Variants in DET1 observed in about 807,000 individuals in gnomAD.
The protein encoded by DET1 is DET1 homolog.
Under a neutral mutation model 43.7 loss-of-function variants are expected in DET1, and 22 were observed. That is an observed-to-expected ratio of 0.50 (90% CI 0.36 to 0.72). DET1 has a LOEUF of 0.72. DET1 is among the 30% of genes least tolerant of loss of function. The pLI is 0.00. For missense variants in DET1, 713 were observed against 713.3 expected (o/e 1.00, Z 0.00); for synonymous variants, 315 against 266.2 (o/e 1.18, Z -1.79).
In DET1 at chr15:88,539,290, G is replaced by A. The variant is rs111259228; in HGVS notation, c.-11+7250C>T. On this transcript the variant is annotated intron_variant, in intron 1 of 4. Transcript: ENST00000268148. ...GGGCCCTCACCTGCAGTTCTGGGGC[G>A]ACCTCACAAGGCTTAAGGCAGCATC... 4.0e-3 allele frequency among the ~76,000 whole-genome samples: 608 copies of A among 151,940 alleles called. 6 individuals are homozygous for A. The highest frequency in any genetic ancestry group is 0.019 in the South Asian group (90 of 4,816).
chr15:88,514,723 T>C (rs543821737), intron 4 of DET1, among the ~76,000 whole-genome samples: 1 of 152,324 alleles, frequency 6.6e-6, no homozygotes, highest in Admixed American at 6.5e-5. Context: ...AATGTAAATA[T>C]GCATATTGAC....
intron 3 of DET1, among the ~76,000 whole-genome samples, chr15:88,518,105 ATTTT>A (rs11327620): frequency 7.5e-6 from 1 of 133,398 alleles, no homozygotes; most frequent in African/African-American, 2.8e-5. Context: ...CACCCAGCTA[ATTTT>A]TTTTTTTTTT....
rs369796439 is a variant in DET1, at chr15:88,531,376, G to A, written c.330C>T (p.Asp110=). ...GGCCCCGGATATTCACTGACCGCTGGTCATTGCCATTGGACAGGATTTCTC... is the reference window on the plus strand; with the variant it reads ...GGCCCCGGATATTCACTGACCGCTGATCATTGCCATTGGACAGGATTTCTC... The part of the protein sequence containing the change: ...YEGEILSNGN[D]QRSVNIRGRL... Residue 110 remains aspartate (D), a synonymous_variant, in exon 2 of 5, where the codon GAC becomes GAT. Coordinates refer to ENST00000268148, the MANE Select transcript of DET1 (RefSeq NM_001144074.3). This position sits in a 1 kb window ranked among gnomAD's most constrained non-coding sequence, Gnocchi z 6.2. The A allele has an allele frequency of 2.3e-5, 37 of 1,613,926 alleles. No individual in the cohort carries two copies. The African/African-American group carries it at 3.7e-4, about 16-fold the overall frequency.
intron 1 of DET1, among the ~76,000 whole-genome samples, chr15:88,535,800 AG>A (rs2056933839): frequency 6.6e-6 from 1 of 152,042 alleles, no homozygotes; most frequent in Non-Finnish European, 1.5e-5. Flanking sequence ...GGGGAAAAAA[AG>A]AAAGATGAAA....
intron 3 of DET1, among the ~76,000 whole-genome samples, chr15:88,525,537 G>T (rs911340811): frequency 6.6e-6 from 1 of 152,112 alleles, no homozygotes; most frequent in African/African-American, 2.4e-5. Flanking sequence ...CCTCCCACAG[G>T]GCAGACACTG....
At chr15:88,503,935 C>T (rs2056112446) in exon 8 of DET1, 1 of 150,648 alleles carries the variant, frequency 6.6e-6, no homozygotes, top group Non-Finnish European at 1.5e-5. Context: ...AGGAGGTCTA[C>T]AGTGAGCCAT....
At position 88,531,339 on chromosome 15, in the gene DET1, G is replaced by A. The variant is rs749778687; in HGVS notation, c.367C>T (p.Arg123Cys). The change falls in exon 2 of 5, where the codon CGC becomes TGC. Residue 123 changes from arginine (R) to cysteine (C), a missense_variant. By Grantham distance (180) the Arg-to-Cys change is radical (BLOSUM62 -3). Transcript: ENST00000268148. This position sits in a 1 kb window ranked among gnomAD's most constrained non-coding sequence, Gnocchi z 6.2. ...GTAATGTGCAGCAGGACAAAAAAGC[G>A]TTCAAAGAGCCGGCCCCGGATATTC... Reference protein sequence around the residue: ...SVNIRGRLFERFFVLLHITNV... With the variant: ...SVNIRGRLFECFFVLLHITNV... The A allele has an allele frequency of 2.3e-5, 37 of 1,613,868 alleles. No individual in the cohort carries two copies. The highest frequency in any genetic ancestry group is 2.9e-5 in the Non-Finnish European group (34 of 1,179,900).
chr15:88,512,198 C>T (rs149558265), downstream of DET1, among the ~76,000 whole-genome samples: 221 of 152,326 alleles, frequency 1.5e-3, 5 homozygotes, highest in South Asian at 0.037. Context: ...CTCACTCTTC[C>T]ACCTGCATGA....
chr15:88,537,214 A>T (rs2142328020), intron 1 of DET1, among the ~76,000 whole-genome samples: 1 of 152,332 alleles, frequency 6.6e-6, no homozygotes, highest in East Asian at 1.9e-4. Flanking sequence ...CATATATTGC[A>T]ATGGTAAGCA....
intron 1 of DET1, among the ~76,000 whole-genome samples, chr15:88,534,998 TTC>T (rs2056911331): frequency 6.6e-6 from 1 of 152,236 alleles, no homozygotes; most frequent in African/African-American, 2.4e-5. Flanking sequence ...AAAGTTGGAA[TTC>T]TCTGAGACAG....
chr15:88,540,479 T>A (rs372246425), intron 1 of DET1, among the ~76,000 whole-genome samples: 31 of 148,136 alleles, frequency 2.1e-4, no homozygotes, highest in Admixed American at 6.0e-4. Flanking sequence ...AAAAAAAAAA[T>A]GGGAAACACT....
chr15:88,538,261 G>T (rs2057002539), intron 1 of DET1, among the ~76,000 whole-genome samples: 1 of 150,996 alleles, frequency 6.6e-6, no homozygotes, highest in African/African-American at 2.4e-5. Flanking sequence ...TGTGCAAGCT[G>T]ACTCCCAGCA....
chr15:88,530,817 G>C lies in DET1; in HGVS notation c.889C>G (p.His297Asp). The C allele has an allele frequency of 1.2e-6, 2 of 1,613,996 alleles. No homozygotes were observed. The highest frequency in any genetic ancestry group is 1.7e-6 in the Non-Finnish European group (2 of 1,179,878). ...FRDPFINSLK[H>D]RLLVYLWRRA... ...CGCCACAAATATACCAGCAACCGGT[G>C]TTTGAGGGAATTGATGAAAGGATCC... The change falls in exon 2 of 5, where the codon CAC becomes GAC. Residue 297 changes from histidine (H) to aspartate (D), a missense_variant. His to Asp is a moderately conservative substitution (Grantham distance 81, BLOSUM62 -1). Transcript: ENST00000268148.
intron 3 of DET1, among the ~76,000 whole-genome samples, chr15:88,522,702 A>G (rs185152123): frequency 1.3e-5 from 2 of 150,554 alleles, no homozygotes; most frequent in Non-Finnish European, 3.0e-5. Flanking sequence ...TTTTATTTAG[A>G]AGAGACGGGG....
At chr15:88,530,119 A>G (rs1326383547) in intron 2 of DET1, among the ~76,000 whole-genome samples, 3 of 152,362 alleles carry the variant, frequency 2.0e-5, no homozygotes, top group East Asian at 3.9e-4. Flanking sequence ...AAATGAATGC[A>G]CTTATTAGTT....
downstream of DET1, among the ~76,000 whole-genome samples, chr15:88,507,698 A>G (rs1384937439): frequency 2.0e-5 from 3 of 152,220 alleles, no homozygotes; most frequent in African/African-American, 7.2e-5. Flanking sequence ...TGTATCCCAC[A>G]TTTCCACTAT....
intron 4 of DET1, among the ~76,000 whole-genome samples, chr15:88,514,824 A>G (rs1431228719): frequency 6.6e-6 from 1 of 152,218 alleles, no homozygotes; most frequent in Non-Finnish European, 1.5e-5. Context: ...CTCATTTTAA[A>G]TTAAAAATAT....
chr15:88,530,790 G>A lies in DET1; in HGVS notation c.916C>T (p.Arg306Trp), dbSNP rs778994249. Residue 306 changes from arginine to tryptophan, a missense_variant, in exon 2 of 5, where the codon CGG becomes TGG. Arg to Trp is a moderately radical substitution (Grantham distance 101). Transcript: ENST00000268148. The stretch of plus-strand genomic sequence containing the variant: ...ATTGCACTACCATCCTGTTCTGCCC[G>A]GCGCCACAAATATACCAGCAACCGG... ...KHRLLVYLWR[R>W]AEQDGSAMAK... 40 of 1,613,742 alleles carry A rather than the reference G, an allele frequency of 2.5e-5. No homozygotes were observed. Among genetic ancestry groups the A allele is most frequent in the Middle Eastern group, 1.6e-4 (1 of 6,080 alleles).
intron 2 of DET1, among the ~76,000 whole-genome samples, chr15:88,528,082 T>C (rs763542265): frequency 7.2e-5 from 11 of 152,208 alleles, no homozygotes; most frequent in Admixed American, 1.3e-4. Context: ...AGCATATAAG[T>C]ATAAAAAGGT....
Sources: allele counts gnomAD v4.1 joint callset (sites outside exome capture counted in the v4.1 genomes callset), GRCh38; gene constraint gnomAD v4.1.1; non-coding constraint Gnocchi (gnomAD v3.1); transcripts MANE v1.5; gene names NCBI Gene and HGNC (gene_info 2026-07-23, HGNC 2026-07-21).